The following RHOG variants were observed in gnomAD, a reference collection of about 807,000 sequenced individuals.
RHOG encodes ras homolog family member G.
In RHOG, 1 loss-of-function variant was observed where a neutral mutation model predicts 12.3. The observed-to-expected ratio is 0.08, with a 90% CI of 0.03 to 0.39. The LOEUF (loss-of-function observed/expected upper bound fraction) is 0.39. RHOG is among the 10% of genes least tolerant of loss of function. The probability of loss-of-function intolerance (pLI) is 0.99; values close to 1 mark genes in which losing one functional copy is unlikely to be tolerated. For synonymous variants in RHOG, 129 were observed against 116.0 expected (o/e 1.11, Z -0.72); for missense variants, 114 against 266.2 (o/e 0.43, Z 3.98).
intron 1 of RHOG, among the ~76,000 whole-genome samples, chr11:3,836,906 A>C (rs1383861851): frequency 3.8e-5 from 2 of 52,086 alleles, no homozygotes; most frequent in Non-Finnish European, 9.6e-5. Flanking sequence ...CCATCTCAAA[A>C]AAAAAAAAAA....
At chr11:3,834,486 C>A (rs2090146311) in intron 1 of RHOG, among the ~76,000 whole-genome samples, 1 of 152,218 alleles carries the variant, frequency 6.6e-6, no homozygotes, top group African/African-American at 2.4e-5. Flanking sequence ...CACCCCCCAA[C>A]AGACAAGACT....
intron 1 of RHOG, among the ~76,000 whole-genome samples, chr11:3,828,990 A>G (rs1038736296): frequency 1.3e-5 from 2 of 151,828 alleles, no homozygotes; most frequent in Non-Finnish European, 2.9e-5. Context: ...GGGATCTACT[A>G]GATCCTCTAC....
intron 1 of RHOG, among the ~76,000 whole-genome samples, chr11:3,834,699 G>A (rs2090147373): frequency 1.3e-5 from 2 of 152,254 alleles, no homozygotes; most frequent in South Asian, 4.1e-4. Flanking sequence ...GGCAGGCCCA[G>A]AATGGGGGAG....
At chr11:3,836,637 A>G (rs1381516042) in intron 1 of RHOG, among the ~76,000 whole-genome samples, 1 of 150,876 alleles carries the variant, frequency 6.6e-6, no homozygotes, top group Non-Finnish European at 1.5e-5. Flanking sequence ...GGTGGCTCAC[A>G]TCTGTAATCC....
Position 3,827,911 on chromosome 11 carries a change from G to A in RHOG, c.228C>T (p.Asn76=), listed in dbSNP as rs1045259197. The A allele has an allele frequency of 8.1e-6, 13 of 1,614,246 alleles. No individual in the cohort carries two copies. The highest frequency in any genetic ancestry group is 7.7e-5 in the South Asian group (7 of 91,090). The change falls in exon 2 of 2, where the codon AAC becomes AAT. Residue 76 remains asparagine, a synonymous_variant. Coordinates refer to ENST00000351018, the MANE Select transcript of RHOG (RefSeq NM_001665.4). The surrounding 1 kb of genome is among the most constrained non-coding windows in gnomAD (Gnocchi z 7.3). The stretch of plus-strand genomic sequence containing the variant: ...CAATGGAGAAACAGATGACGAAAAC[G>A]TTGGTCTGAGGGTAGGAGAGTGTAC... The part of the protein sequence containing the change: ...RLRTLSYPQT[N]VFVICFSIAS...
chr11:3,840,046 G>T (rs996966941), intron 1 of RHOG, among the ~76,000 whole-genome samples: 5 of 152,188 alleles, frequency 3.3e-5, no homozygotes, highest in African/African-American at 1.2e-4. Flanking sequence ...GACGACAGGA[G>T]CATGTGTATA....
intron 1 of RHOG, among the ~76,000 whole-genome samples, chr11:3,836,931 A>G (rs1257661301): frequency 7.3e-6 from 1 of 136,884 alleles, no homozygotes; most frequent in South Asian, 2.4e-4. Context: ...AAAAAAAAAA[A>G]GCTGAGCCTC....
chr11:3,839,484 GAACACACACACACA>G (rs1191425006), intron 1 of RHOG, among the ~76,000 whole-genome samples: 7 of 97,440 alleles, frequency 7.2e-5, no homozygotes, highest in African/African-American at 2.6e-4. Flanking sequence ...ACGCGCGCGC[GAACACACACACACA>G]CACACACACA....
At position 3,827,623 on chromosome 11, in the gene RHOG, A is replaced by T; in HGVS notation, c.516T>A (p.Ala172=). The change falls in exon 2 of 2, where the codon GCT becomes GCA. Residue 172 remains alanine (A), a synonymous_variant. Transcript: ENST00000351018. The surrounding 1 kb of genome is among the most constrained non-coding windows in gnomAD (Gnocchi z 7.3). ...QDGVKEVFAE[A]VRAVLNPTPI... is the part of the protein sequence containing the mutation. ...GCGTGGGGTTGAGCACAGCCCGGAC[A>T]GCCTCGGCGAACACTTCCTTGACAC... is the stretch of plus-strand genomic sequence containing the variant. The T allele has an allele frequency of 7.4e-6, 12 of 1,613,158 alleles. No homozygotes were observed. In the African/African-American group the frequency reaches 8.0e-5, roughly 11 times the overall value.
chr11:3,832,580 G>T (rs1240135614), intron 1 of RHOG, among the ~76,000 whole-genome samples: 1 of 152,178 alleles, frequency 6.6e-6, no homozygotes, highest in African/African-American at 2.4e-5. Flanking sequence ...GAGGTGACAG[G>T]AGCAAAGCCT....
At chr11:3,840,544 C>CCGCA (rs1554948357) in intron 1 of RHOG, 1 of 150,056 alleles carries the variant, frequency 6.7e-6, no homozygotes, top group Admixed American at 6.6e-5. Flanking sequence ...ACACCCCCCC[C>CCGCA]ACCAACTTCT....
At chr11:3,840,648 T>A (rs898663488) in intron 1 of RHOG, 2 of 150,950 alleles carry the variant, frequency 1.3e-5, no homozygotes, top group East Asian at 2.0e-4. Context: ...ACCTCAGGGG[T>A]CCCTCTCGGC....
At chr11:3,828,790 T>A (rs912294700) in intron 1 of RHOG, among the ~76,000 whole-genome samples, 10 of 151,624 alleles carry the variant, frequency 6.6e-5, no homozygotes, top group Non-Finnish European at 1.5e-4. Flanking sequence ...CCGGCTAATT[T>A]TTTGTATTTT....
rs767673646 is a variant in RHOG at position 3,827,993 on chromosome 11, C to T, written c.146G>A (p.Arg49His). The change falls in exon 2 of 2, where the codon CGC becomes CAC. Residue 49 changes from arginine to histidine, a missense_variant. Physicochemically the swap from Arg to His is conservative, Grantham distance 29 (BLOSUM62 0). This residue lies in a region of RHOG where 53 missense variants were observed against 164.8 expected (regional missense o/e 0.32). Coordinates refer to ENST00000351018, the MANE Select transcript of RHOG (RefSeq NM_001665.4). This position sits in a 1 kb window ranked among gnomAD's most constrained non-coding sequence, Gnocchi z 7.3. ...GTCCCACAGGTTCAGGTTCACTGTG[C>T]GCCCGTCAACTGCGCTCTGCGCGCT... ...NYSAQSAVDG[R>H]TVNLNLWDTA... 9.3e-6 allele frequency: 15 copies of T among 1,614,270 alleles called. No homozygotes were observed. The East Asian group carries it at 1.8e-4, about 19-fold the overall frequency.
intron 1 of RHOG, among the ~76,000 whole-genome samples, chr11:3,829,792 G>C (rs189426902): frequency 3.6e-4 from 55 of 152,108 alleles, no homozygotes; most frequent in African/African-American, 1.3e-3. Context: ...TGTCGCCCAG[G>C]CTGGAGTGTA....
intron 1 of RHOG, among the ~76,000 whole-genome samples, chr11:3,828,674 A>T (rs1170072440): frequency 2.2e-5 from 3 of 135,844 alleles, no homozygotes; most frequent in African/African-American, 5.8e-5. Flanking sequence ...CCCAGGCTGG[A>T]GTGCAGTGGC....
chr11:3,839,602 A>AACACACACACAAACACACAC (rs1554948262), intron 1 of RHOG, among the ~76,000 whole-genome samples: 5 of 141,598 alleles, frequency 3.5e-5, no homozygotes, highest in African/African-American at 1.3e-4. Context: ...CACACACGCA[A>AACACACACACAAACACACAC]ACACACACAC....
chr11:3,829,249 ATT>A (rs869157708), intron 1 of RHOG, among the ~76,000 whole-genome samples: 34 of 92,724 alleles, frequency 3.7e-4, no homozygotes, highest in Admixed American at 5.3e-4. Context: ...CAATGGGGAA[ATT>A]TTTTTTTTTT....
chr11:3,828,773 A>C (rs948930357), intron 1 of RHOG, among the ~76,000 whole-genome samples: 3 of 151,526 alleles, frequency 2.0e-5, no homozygotes, highest in Non-Finnish European at 4.4e-5. Context: ...GGCACCCACC[A>C]CCACGCCCGG....
Sources: allele counts gnomAD v4.1 joint callset (sites outside exome capture counted in the v4.1 genomes callset), GRCh38; gene constraint gnomAD v4.1.1; regional missense constraint gnomAD v4.1.1; non-coding constraint Gnocchi (gnomAD v3.1); transcripts MANE v1.5; gene names NCBI Gene and HGNC (gene_info 2026-07-23, HGNC 2026-07-21).